Variants in LYRM4 observed in about 807,000 individuals in gnomAD.
LYRM4 encodes LYR motif-containing protein 4.
In LYRM4, 9 loss-of-function variants were observed where a neutral mutation model predicts 11.7. The observed-to-expected ratio is 0.77, with a 90% CI of 0.46 to 1.34. The LOEUF (loss-of-function observed/expected upper bound fraction) is 1.34. Among genes scored for constraint, LYRM4 ranks in the 40% most tolerant of loss-of-function variants. The pLI is 0.00. For synonymous variants in LYRM4, 42 were observed against 40.4 expected (o/e 1.04, Z -0.15); for missense variants, 133 against 112.5 (o/e 1.18, Z -0.82).
At chr6:5,249,876 A>G (rs1474361887) in intron 1 of LYRM4, among the ~76,000 whole-genome samples, 1 of 152,230 alleles carries the variant, frequency 6.6e-6, no homozygotes, top group Non-Finnish European at 1.5e-5. Context: ...AGGGGTATAC[A>G]GGAGAAGTAA....
At chr6:5,112,269 C>T (rs1229410031) in intron 2 of LYRM4, among the ~76,000 whole-genome samples, 3 of 152,240 alleles carry the variant, frequency 2.0e-5, no homozygotes, top group Non-Finnish European at 4.4e-5. Context: ...TCTCCACCCC[C>T]CTGAGAGCCC....
At chr6:5,247,690 G>A (rs1343047760) in intron 1 of LYRM4, among the ~76,000 whole-genome samples, 1 of 152,172 alleles carries the variant, frequency 6.6e-6, no homozygotes, top group Non-Finnish European at 1.5e-5. Context: ...GCCAAAGGGA[G>A]AGGGTGGTAA....
At chr6:5,059,287 G>A in the LYRM4 span, among the ~76,000 whole-genome samples, 2 of 148,668 alleles carry the variant, frequency 1.3e-5, no homozygotes, top group Admixed American at 6.8e-5. Context: ...GCCACAGTGA[G>A]CTATGACGGT....
At chr6:5,116,088 A>G (rs778793007) in intron 2 of LYRM4, among the ~76,000 whole-genome samples, 22 of 152,330 alleles carry the variant, frequency 1.4e-4, no homozygotes, top group Non-Finnish European at 2.8e-4. Flanking sequence ...TATCAGTCCC[A>G]TACTCCATGG....
At chr6:5,224,916 C>T (rs752026821) in intron 1 of LYRM4, among the ~76,000 whole-genome samples, 7 of 152,024 alleles carry the variant, frequency 4.6e-5, no homozygotes, top group Non-Finnish European at 7.4e-5. Context: ...GCCGAGATTG[C>T]GCCACTGCAC....
intron 2 of LYRM4, chr6:5,136,945 G>T (rs1217776935): frequency 1.8e-6 from 1 of 568,828 alleles, no homozygotes; most frequent in Non-Finnish European, 2.2e-6. Flanking sequence ...CAATTTTAGA[G>T]CATTTTCATT....
the LYRM4 span, among the ~76,000 whole-genome samples, chr6:5,068,791 AAG>A: frequency 6.6e-6 from 1 of 152,232 alleles, no homozygotes; most frequent in Non-Finnish European, 1.5e-5. The surrounding 1 kb of genome is among the most constrained non-coding windows in gnomAD (Gnocchi z 4.0). Flanking sequence ...TTAAAAAAAA[AAG>A]AATTTAAAAA....
chr6:5,130,954 GAC>G (rs1763925969), intron 2 of LYRM4, among the ~76,000 whole-genome samples: 1 of 151,822 alleles, frequency 6.6e-6, no homozygotes, highest in Non-Finnish European at 1.5e-5. Context: ...AATAACATAA[GAC>G]AGAATAAAAT....
intron 2 of LYRM4, among the ~76,000 whole-genome samples, chr6:5,123,810 G>A (rs1763576124): frequency 1.3e-5 from 2 of 152,226 alleles, no homozygotes; most frequent in Non-Finnish European, 2.9e-5. Flanking sequence ...CCCTGAAAAG[G>A]AAGCCATGGT....
intron 2 of LYRM4, chr6:5,138,563 A>G: frequency 2.8e-6 from 1 of 358,964 alleles, no homozygotes; most frequent in African/African-American, 4.0e-5. Flanking sequence ...GTAGCCAGTA[A>G]GAATAATGAC....
chr6:5,237,928 T>C (rs1487595087), intron 1 of LYRM4, among the ~76,000 whole-genome samples: 1 of 152,178 alleles, frequency 6.6e-6, no homozygotes, highest in Non-Finnish European at 1.5e-5. Flanking sequence ...ACAATTCTTC[T>C]AAGAAAGTGG....
chr6:5,063,740 G>A, the LYRM4 span, among the ~76,000 whole-genome samples: 11 of 152,150 alleles, frequency 7.2e-5, no homozygotes, highest in Non-Finnish European at 1.3e-4. Context: ...GCCATCTCCC[G>A]GGAGCAGACT....
At position 5,260,945 on chromosome 6, in the gene LYRM4, G is replaced by A. The variant is rs1765061334; in HGVS notation, c.-212C>T. On this transcript the variant is annotated 5_prime_UTR_variant, in exon 1 of 3. Coordinates refer to ENST00000330636, the MANE Select transcript of LYRM4 (RefSeq NM_020408.6). ...GCCGCTTCGGGGGCGGGCGCAGGCA[G>A]GGCTCGGGGCAGCTAAGGGGGCGGT... 5.2e-6 allele frequency: 7 copies of A among 1,334,820 alleles called. No individual in the cohort carries two copies. The South Asian group carries it at 8.5e-5, about 16-fold the overall frequency. 82.7% of individuals were successfully genotyped at this position (1,334,820 alleles called of 1,614,324 possible).
chr6:5,156,966 A>AAC (rs1188274218), intron 2 of LYRM4, among the ~76,000 whole-genome samples: 2 of 152,142 alleles, frequency 1.3e-5, no homozygotes, highest in South Asian at 4.1e-4. Context: ...GAGAAAAATA[A>AAC]ACACACACCC....
In LYRM4 at chr6:5,250,665, C is replaced by A. The variant is rs576636123; in HGVS notation, c.86+9983G>T. On this transcript the variant is annotated intron_variant, in intron 1 of 2. Transcript: ENST00000330636. ...TTGAAGAGGTCAGGTAACAATAGTT[C>A]TTTGTAATACAGCGCCACAGGCTCT... Among the ~76,000 whole-genome samples the A allele has an allele frequency of 2.6e-5, 4 of 152,282 alleles. No individual in the cohort carries two copies. The South Asian group carries it at 8.3e-4, about 32-fold the overall frequency.
intron 2 of LYRM4, among the ~76,000 whole-genome samples, chr6:5,160,553 G>C (rs2127653333): frequency 6.6e-6 from 1 of 152,164 alleles, no homozygotes; most frequent in South Asian, 2.1e-4. Flanking sequence ...GCACCACCAA[G>C]GCTGTTTTTT....
chr6:5,256,075 T>A (rs1764650336), intron 1 of LYRM4, among the ~76,000 whole-genome samples: 1 of 151,724 alleles, frequency 6.6e-6, no homozygotes, highest in Non-Finnish European at 1.5e-5. Context: ...AAAAGGTTGG[T>A]CATGCCAAGA....
the LYRM4 span, among the ~76,000 whole-genome samples, chr6:5,069,435 C>T: frequency 6.7e-6 from 1 of 149,932 alleles, no homozygotes; most frequent in Non-Finnish European, 1.5e-5. Context: ...TTCCACAATA[C>T]ATATATCATC....
chr6:5,202,842 T>C (rs892039110), intron 2 of LYRM4, among the ~76,000 whole-genome samples: 1 of 152,216 alleles, frequency 6.6e-6, no homozygotes, highest in African/African-American at 2.4e-5. Context: ...CACAAGCTAC[T>C]ATGAAGGAAT....
Sources: allele counts gnomAD v4.1 joint callset (sites outside exome capture counted in the v4.1 genomes callset), GRCh38; gene constraint gnomAD v4.1.1; non-coding constraint Gnocchi (gnomAD v3.1); transcripts MANE v1.5; gene names NCBI Gene and HGNC (gene_info 2026-07-23, HGNC 2026-07-21).